Variants in FRAS1 observed in about 807,000 individuals in gnomAD.
FRAS1 encodes the protein Fraser extracellular matrix complex subunit 1.
In FRAS1, 290 loss-of-function variants were observed where a neutral mutation model predicts 435.2. The ratio of observed to expected loss-of-function variants is 0.67; its 90% CI spans 0.61 to 0.73. FRAS1 has a LOEUF of 0.73. Ranked by LOEUF, FRAS1 falls within the 30% of genes least tolerant of loss-of-function variation. The pLI is 0.00. For synonymous variants in FRAS1, 1,800 were observed against 1,851.0 expected (o/e 0.97, Z 0.71); for missense variants, 4,860 against 5,001.5 (o/e 0.97, Z 0.85).
chr4:78,355,077 T>A (rs1035558311), intron 20 of FRAS1, among the ~76,000 whole-genome samples: 1 of 152,150 alleles, frequency 6.6e-6, no homozygotes, highest in African/African-American at 2.4e-5. Flanking sequence ...AATATTTTTA[T>A]CTGTTTAAAT....
At chr4:78,060,215 G>A (rs1022224529) in intron 1 of FRAS1, among the ~76,000 whole-genome samples, 1 of 152,154 alleles carries the variant, frequency 6.6e-6, no homozygotes, top group Non-Finnish European at 1.5e-5. Context: ...GTCATCTGAT[G>A]AGACCTCTGG....
intron 14 of FRAS1, among the ~76,000 whole-genome samples, chr4:78,286,944 AT>A (rs1000150618): frequency 7.2e-5 from 11 of 152,122 alleles, no homozygotes; most frequent in African/African-American, 2.7e-4. Context: ...TGTCTAAATA[AT>A]TTTTTTAAAT....
chr4:78,323,779 T>G (rs1345660264), intron 18 of FRAS1, among the ~76,000 whole-genome samples: 1 of 152,230 alleles, frequency 6.6e-6, no homozygotes, highest in Admixed American at 6.5e-5. Context: ...TGATGTTCCT[T>G]GGATCTATTT....
chr4:78,276,378 G>A lies in FRAS1; in HGVS notation c.982-2277G>A, dbSNP rs530582676. Among the ~76,000 whole-genome samples the A allele has an allele frequency of 1.2e-4, 19 of 152,308 alleles. No individual in the cohort carries two copies. The South Asian group carries it at 3.9e-3, about 32-fold the overall frequency. ...GGCGAGGAGCTGTGTTCCTTTGGAG[G>A]GGTAGAGGTGCTCTGATTTTTAAAA... On this transcript the variant is annotated intron_variant, in intron 9 of 73. Transcript: ENST00000512123.
At position 78,199,808 on chromosome 4, in the gene FRAS1, G is replaced by A. The variant is rs555881050; in HGVS notation, c.109-37702G>A. Among the ~76,000 whole-genome samples, 5 of 152,296 alleles carry A rather than the reference G, an allele frequency of 3.3e-5. No homozygotes were observed. In the South Asian group the frequency reaches 1.0e-3, roughly 32 times the overall value. The stretch of plus-strand genomic sequence containing the variant: ...AGGCCCATGAGGTAACAAACATGGG[G>A]ACTGTTTTAATAATTTAATGAATGG... On this transcript the variant is annotated intron_variant, in intron 2 of 73. Coordinates refer to ENST00000512123, the MANE Select transcript of FRAS1 (RefSeq NM_025074.7).
intron 59 of FRAS1, among the ~76,000 whole-genome samples, chr4:78,491,274 A>G (rs950452495): frequency 9.2e-5 from 14 of 152,226 alleles, no homozygotes; most frequent in African/African-American, 3.4e-4. Context: ...TCCAAACAAT[A>G]GAAAAAGAGG....
At chr4:78,136,899 C>T (rs1046329742) in intron 2 of FRAS1, among the ~76,000 whole-genome samples, 1 of 152,170 alleles carries the variant, frequency 6.6e-6, no homozygotes. Flanking sequence ...TTTGGCATAC[C>T]TACTGTGCGC....
Position 78,058,069 on chromosome 4 carries a change from G to C in FRAS1, c.60G>C (p.Leu20Phe). The change falls in exon 1 of 74, where the codon TTG becomes TTC. Residue 20 changes from leucine (L) to phenylalanine (F), a missense_variant. By Grantham distance (22) the Leu-to-Phe change is conservative. Transcript: ENST00000512123. ...TAGCGTTGGCGGAATTTGCAGTATT[G>C]CCTCATCATTCCGAAGGTGAGAGAG... Reference protein sequence around the residue: ...LALALAEFAVLPHHSEGACVY... With the variant: ...LALALAEFAVFPHHSEGACVY... 1 of 1,613,716 alleles carries C rather than the reference G, an allele frequency of 6.2e-7. No individual in the cohort carries two copies. The highest frequency in any genetic ancestry group is 8.5e-7 in the Non-Finnish European group (1 of 1,179,832).
chr4:78,518,910 T>C (rs1323183274), intron 66 of FRAS1, among the ~76,000 whole-genome samples: 1 of 152,148 alleles, frequency 6.6e-6, no homozygotes, highest in African/African-American at 2.4e-5. Flanking sequence ...GATGGTTGAC[T>C]TGGGCTCTCC....
intron 33 of FRAS1, among the ~76,000 whole-genome samples, chr4:78,421,540 A>G (rs11734612): frequency 0.3 from 46,108 of 152,022 alleles, 7,912 homozygotes; most frequent in Non-Finnish European, 0.38. Context: ...CACTGACTCA[A>G]ATATTTATCT....
intron 2 of FRAS1, among the ~76,000 whole-genome samples, chr4:78,222,351 A>G (rs1171931254): frequency 1.3e-5 from 2 of 152,022 alleles, no homozygotes; most frequent in Admixed American, 1.3e-4. Context: ...TGTGCATTTC[A>G]TCTCACCGAT....
chr4:78,156,510 C>T (rs1248426462), intron 2 of FRAS1, among the ~76,000 whole-genome samples: 1 of 151,990 alleles, frequency 6.6e-6, no homozygotes, highest in African/African-American at 2.4e-5. Flanking sequence ...AGAGCCAGCC[C>T]TCTGGACCAG....
At chr4:78,058,691 G>T (rs1428013347) in intron 1 of FRAS1, among the ~76,000 whole-genome samples, 1 of 152,162 alleles carries the variant, frequency 6.6e-6, no homozygotes, top group African/African-American at 2.4e-5. Context: ...TGGTTAATAA[G>T]AGTTTAGGTT....
intron 1 of FRAS1, among the ~76,000 whole-genome samples, chr4:78,059,994 T>C (rs1450862685): frequency 6.6e-6 from 1 of 152,148 alleles, no homozygotes; most frequent in South Asian, 2.1e-4. Flanking sequence ...TCTATAGCTG[T>C]TTCACAAATT....
rs868219785 is a variant in FRAS1 at position 78,452,238 on chromosome 4, A to G, written c.6647A>G (p.Lys2216Arg). The G allele has an allele frequency of 1.2e-6, 2 of 1,613,888 alleles. No homozygotes were observed. Among genetic ancestry groups the G allele is most frequent in the Non-Finnish European group, 8.5e-7 (1 of 1,179,770 alleles). Residue 2216 changes from lysine (K) to arginine (R), a missense_variant, in exon 47 of 74, where the codon AAG becomes AGG. Coordinates refer to ENST00000512123, the MANE Select transcript of FRAS1 (RefSeq NM_025074.7). ...KGLVLDENSV[K>R]KITTLQLSAT... ...CTGGTCTTGGATGAAAACTCAGTGA[A>G]GAAAATCACCACCCTGCAGCTGTCT...
intron 14 of FRAS1, among the ~76,000 whole-genome samples, chr4:78,307,398 G>C (rs1294823467): frequency 2.0e-5 from 3 of 152,236 alleles, no homozygotes; most frequent in East Asian, 1.9e-4. Flanking sequence ...CCACCCAGTT[G>C]GAGCTTCCTG....
chr4:78,238,016 A>G (rs1490223867), intron 3 of FRAS1, among the ~76,000 whole-genome samples: 1 of 152,164 alleles, frequency 6.6e-6, no homozygotes, highest in Admixed American at 6.5e-5. Flanking sequence ...TTTTACCTGA[A>G]GTCTGACTGA....
rs753676442 is a variant in FRAS1 at position 78,456,138 on chromosome 4, C to CTTTTTTT, written c.6763+3801_6763+3807dup. ...AGCATTACTTGAAGAACACATGTCA[C>CTTTTTTT]TTTTTTTTTTTTTTTTTTTTTTTGA... On this transcript the variant is annotated intron_variant, in intron 47 of 73. Transcript: ENST00000512123. 8.0e-3 allele frequency among the ~76,000 whole-genome samples: 413 copies of CTTTTTTT among 51,394 alleles called. 17 individuals carry two copies. The highest frequency in any genetic ancestry group is 0.031 in the African/African-American group (373 of 12,172). 33.7% of individuals were successfully genotyped at this position (51,394 alleles called of 152,430 possible).
At chr4:78,108,513 G>A (rs1396289353) in intron 2 of FRAS1, among the ~76,000 whole-genome samples, 6 of 96,794 alleles carry the variant, frequency 6.2e-5, no homozygotes, top group East Asian at 2.5e-4. Context: ...GGTACATAAC[G>A]AAATGAAGGC....
Sources: gnomAD v4.1 joint callset for allele counts (sites outside exome capture counted in the v4.1 genomes callset) on GRCh38, gnomAD v4.1.1 for gene constraint, MANE v1.5 for transcripts, NCBI Gene and HGNC (gene_info 2026-07-23, HGNC 2026-07-21) for gene names.